GADL1: variants seen among roughly 807,000 people sequenced by gnomAD.
GADL1 encodes acidic amino acid decarboxylase GADL1.
Under a neutral mutation model 69.5 loss-of-function variants are expected in GADL1, and 71 were observed. That is an observed-to-expected ratio of 1.02 (90% CI 0.84 to 1.25). GADL1 has a LOEUF of 1.25. Among genes scored for constraint, GADL1 ranks in the 50% most tolerant of loss-of-function variants. GADL1 has a pLI of 0.00. For synonymous variants in GADL1, 254 were observed against 214.4 expected, an observed-to-expected ratio of 1.18 and a Z score of -1.62; for missense variants, 737 against 631.8, an observed-to-expected ratio of 1.17 and a Z score of -1.79.
chr3:30,763,630 G>GTTGGGCAAAATCA (rs1259680258), intron 14 of GADL1, among the ~76,000 whole-genome samples: 7 of 152,234 alleles, frequency 4.6e-5, no homozygotes, highest in South Asian at 2.1e-4. Context: ...CCCAACTATA[G>GTTGGGCAAAATCA]TCTAAGAGGA....
intron 14 of GADL1, among the ~76,000 whole-genome samples, chr3:30,756,728 G>A (rs1356411471): frequency 5.3e-5 from 8 of 152,164 alleles, no homozygotes; most frequent in Non-Finnish European, 1.0e-4. Flanking sequence ...TCCCAGATGA[G>A]GCCATCCTTG....
intron 14 of GADL1, among the ~76,000 whole-genome samples, chr3:30,770,773 A>G (rs186318403): frequency 5.5e-4 from 84 of 152,056 alleles, no homozygotes; most frequent in Admixed American, 4.1e-3. Context: ...GGCTAAACTC[A>G]GAACTTATGC....
intron 11 of GADL1, among the ~76,000 whole-genome samples, chr3:30,828,959 G>A (rs531994197): frequency 9.2e-5 from 14 of 151,954 alleles, no homozygotes; most frequent in Admixed American, 7.2e-4. Context: ...CATCTGATTA[G>A]CATGTTTCAT....
At chr3:30,742,329 T>C (rs1695638053) in intron 14 of GADL1, among the ~76,000 whole-genome samples, 2 of 151,970 alleles carry the variant, frequency 1.3e-5, no homozygotes, top group African/African-American at 4.8e-5. Context: ...CCATAGATAT[T>C]ATACTTTATT....
At chr3:30,822,138 A>G (rs1279586271) in intron 11 of GADL1, among the ~76,000 whole-genome samples, 1 of 152,078 alleles carries the variant, frequency 6.6e-6, no homozygotes. Flanking sequence ...ATGTGTCACA[A>G]AAAGATGACA....
intron 1 of GADL1, 51 bp from the exon 2 acceptor site, chr3:30,861,816 A>G: frequency 8.1e-7 from 1 of 1,234,348 alleles, no homozygotes; most frequent in East Asian, 2.6e-5. Context: ...ATTACACCAC[A>G]TAACAAAGCA....
At chr3:30,794,969 C>T (rs890909079) in intron 12 of GADL1, among the ~76,000 whole-genome samples, 64 of 152,214 alleles carry the variant, frequency 4.2e-4, no homozygotes, top group African/African-American at 1.5e-3. Context: ...AGTTGCACAG[C>T]TTTTCCAGTA....
chr3:30,822,573 T>C (rs914248727), intron 11 of GADL1, among the ~76,000 whole-genome samples: 4 of 152,088 alleles, frequency 2.6e-5, no homozygotes, highest in African/African-American at 9.7e-5. Context: ...TCAGCCTAGA[T>C]ATATATTAAT....
At chr3:30,750,270 G>A (rs545131229) in intron 14 of GADL1, among the ~76,000 whole-genome samples, 1 of 152,286 alleles carries the variant, frequency 6.6e-6, no homozygotes, top group African/African-American at 2.4e-5. Flanking sequence ...TCTTTATGTT[G>A]TTGTTCTGGT....
intron 11 of GADL1, among the ~76,000 whole-genome samples, chr3:30,806,347 A>C (rs971176306): frequency 3.3e-5 from 5 of 152,216 alleles, no homozygotes; most frequent in African/African-American, 4.8e-5. Flanking sequence ...AAGCCCATGA[A>C]GGTGCTAAGT....
At position 30,757,162 on chromosome 3, in the gene GADL1, T is replaced by G. The variant is rs962499380; in HGVS notation, c.1392+21017A>C. Among the ~76,000 whole-genome samples, 3 of 152,128 alleles carry G rather than the reference T, an allele frequency of 2.0e-5. No homozygotes were observed. In the East Asian group the frequency reaches 5.8e-4, roughly 29 times the overall value. ...AGAGTGCCATGTGAACCGCTATACC[T>G]CTGCTCCCAAAATGTGATTGAAAAA... is the stretch of plus-strand genomic sequence containing the variant. On this transcript the variant is annotated intron_variant, in intron 14 of 14. Coordinates refer to ENST00000282538, the MANE Select transcript of GADL1 (RefSeq NM_207359.3).
chr3:30,807,122 T>A (rs1697269702), intron 11 of GADL1, among the ~76,000 whole-genome samples: 1 of 152,178 alleles, frequency 6.6e-6, no homozygotes, highest in South Asian at 2.1e-4. Context: ...AAGGAACTAA[T>A]GTTAACTGGG....
chr3:30,803,200 G>GA (rs1697195241), intron 11 of GADL1, among the ~76,000 whole-genome samples: 1 of 152,130 alleles, frequency 6.6e-6, no homozygotes. Context: ...CACTAAAGTA[G>GA]AAAAATCCCT....
intron 14 of GADL1, among the ~76,000 whole-genome samples, chr3:30,754,465 G>A (rs1388973740): frequency 6.6e-6 from 1 of 150,494 alleles, no homozygotes; most frequent in Non-Finnish European, 1.5e-5. Context: ...TCATAGGAAT[G>A]CCAATGACGG....
intron 13 of GADL1, chr3:30,779,135 A>G (rs1177888128): frequency 6.6e-6 from 1 of 152,242 alleles, no homozygotes; most frequent in Non-Finnish European, 1.5e-5. Flanking sequence ...TCACGCAGAC[A>G]AGGCTTTGTC....
At chr3:30,827,871 C>T (rs1201522313) in intron 11 of GADL1, among the ~76,000 whole-genome samples, 1 of 151,866 alleles carries the variant, frequency 6.6e-6, no homozygotes, top group Non-Finnish European at 1.5e-5. Flanking sequence ...CAGCACGAAG[C>T]ACAAGAGATT....
chr3:30,844,108 G>A, intron 8 of GADL1, 102 bp downstream of exon 8: 1 of 830,802 alleles, frequency 1.2e-6, no homozygotes, highest in Non-Finnish European at 2.0e-6. Context: ...AATGGTTTTG[G>A]CTGTTTGCAT....
intron 14 of GADL1, among the ~76,000 whole-genome samples, chr3:30,753,806 T>C (rs1271714057): frequency 1.3e-5 from 2 of 152,210 alleles, no homozygotes; most frequent in African/African-American, 4.8e-5. Flanking sequence ...AATTCATAAA[T>C]TGCAAGAAAA....
intron 6 of GADL1, among the ~76,000 whole-genome samples, chr3:30,846,098 T>C (rs1698050619): frequency 6.7e-6 from 1 of 148,834 alleles, no homozygotes; most frequent in African/African-American, 2.5e-5. Flanking sequence ...AGTTTAAACA[T>C]CTGAAAGCTT....
Sources: allele counts gnomAD v4.1 joint callset (sites outside exome capture counted in the v4.1 genomes callset), GRCh38; gene constraint gnomAD v4.1.1; transcripts MANE v1.5; gene names NCBI Gene and HGNC (gene_info 2026-07-23, HGNC 2026-07-21).